Variants in TMC2 observed in about 807,000 individuals in gnomAD.
The protein encoded by TMC2 is transmembrane channel like 2.
Under a neutral mutation model 105.9 loss-of-function variants are expected in TMC2, and 102 were observed. That is an observed-to-expected ratio of 0.96 (90% CI 0.82 to 1.14). The LOEUF (loss-of-function observed/expected upper bound fraction) is 1.14, where lower values mean the gene tolerates loss of function less well. Among genes scored for constraint, TMC2 ranks in the 50% most tolerant of loss-of-function variants. The probability of loss-of-function intolerance (pLI) is 0.00; values close to 1 mark genes in which losing one functional copy is unlikely to be tolerated. For missense variants in TMC2, 1,093 were observed against 1,134.3 expected, an observed-to-expected ratio of 0.96 and a Z score of 0.52; for synonymous variants, 402 against 422.8, an observed-to-expected ratio of 0.95 and a Z score of 0.60.
At chr20:2,621,577 G>A (rs2086525552) in intron 16 of TMC2, among the ~76,000 whole-genome samples, 1 of 151,670 alleles carries the variant, frequency 6.6e-6, no homozygotes, top group South Asian at 2.1e-4. Flanking sequence ...GCTGAGGCAG[G>A]AGAATCACTT....
In TMC2 at chr20:2,635,997, T is replaced by A. The variant is rs1029466434; in HGVS notation, c.2378T>A (p.Ile793Asn). The change falls in exon 18 of 20, where the codon ATC becomes AAC. Residue 793 changes from isoleucine to asparagine, a missense_variant. Ile to Asn is a moderately radical substitution (Grantham distance 149). Transcript: ENST00000358864. ...SRANAQLRKK[I>N]QVLREVEKSH... ...GCTAATGCCCAGCTGAGGAAGAAAATCCAAGTGGTGAGTCTGTTGGGAGTT... is the reference window on the plus strand; with the variant it reads ...GCTAATGCCCAGCTGAGGAAGAAAAACCAAGTGGTGAGTCTGTTGGGAGTT... The A allele has an allele frequency of 6.2e-7, 1 of 1,613,734 alleles. No homozygotes were observed. Among genetic ancestry groups the A allele is most frequent in the Non-Finnish European group, 8.5e-7 (1 of 1,179,782 alleles).
intron 17 of TMC2, among the ~76,000 whole-genome samples, chr20:2,625,980 G>A (rs1476001284): frequency 6.6e-6 from 1 of 152,018 alleles, no homozygotes; most frequent in East Asian, 1.9e-4. Context: ...TATTTTTGTT[G>A]TCATTTGTTT....
chr20:2,615,634 C>T (rs2086475134), intron 14 of TMC2, among the ~76,000 whole-genome samples: 1 of 152,200 alleles, frequency 6.6e-6, no homozygotes, highest in South Asian at 2.1e-4. Context: ...CCGTGAACTG[C>T]TCTCAGACTG....
chr20:2,621,293 T>C (rs1484094380), intron 16 of TMC2, among the ~76,000 whole-genome samples: 29 of 125,084 alleles, frequency 2.3e-4, no homozygotes, highest in Middle Eastern at 5.7e-3. Context: ...ACCCGGGAGG[T>C]GGAGGTTGCA....
chr20:2,603,013 T>C (rs2086363039), intron 11 of TMC2, among the ~76,000 whole-genome samples: 1 of 152,178 alleles, frequency 6.6e-6, no homozygotes, highest in South Asian at 2.1e-4. Context: ...GAATAGTGCT[T>C]GTGTATTGAG....
intron 14 of TMC2, chr20:2,613,996 T>TA (rs1413890032): frequency 6.6e-6 from 1 of 152,654 alleles, no homozygotes; most frequent in Non-Finnish European, 1.5e-5. Context: ...TTGACCTATG[T>TA]ATCCCTCATC....
intron 17 of TMC2, among the ~76,000 whole-genome samples, chr20:2,628,067 C>T (rs2086576610): frequency 6.6e-6 from 1 of 151,646 alleles, no homozygotes; most frequent in African/African-American, 2.4e-5. Context: ...ACTTGAGAGA[C>T]TGAGGTAGGA....
rs988447401 is a variant in TMC2, at chr20:2,594,927, G to T, written c.1036G>T (p.Val346Phe). 6 of 1,614,116 alleles carry T rather than the reference G, an allele frequency of 3.7e-6. No homozygotes were observed. The African/African-American group carries it at 4.0e-5, about 11-fold the overall frequency. ...GCCTATGGCTTACTTTATGGTGGGG[G>T]TCAGCGTGTTCGGCTACAGCCTGAT... Reference protein sequence around the residue: ...RLPMAYFMVGVSVFGYSLIIV... With the variant: ...RLPMAYFMVGFSVFGYSLIIV... The change falls in exon 9 of 20, where the codon GTC becomes TTC. Residue 346 changes from valine (V) to phenylalanine (F), a missense_variant. Physicochemically the swap from Val to Phe is conservative, Grantham distance 50. Transcript: ENST00000358864.
intron 2 of TMC2, among the ~76,000 whole-genome samples, chr20:2,538,121 C>T (rs1291735017): frequency 1.3e-5 from 2 of 152,024 alleles, no homozygotes; most frequent in African/African-American, 4.8e-5. Flanking sequence ...CAGTAGGGAG[C>T]TGGCCCCAGG....
intron 7 of TMC2, among the ~76,000 whole-genome samples, chr20:2,591,824 A>C (rs1219610750): frequency 6.6e-6 from 1 of 152,180 alleles, no homozygotes; most frequent in Non-Finnish European, 1.5e-5. Context: ...AGTGTGTGTT[A>C]CTCTTAAAAT....
At chr20:2,537,107 G>C (rs6132756) in intron 1 of TMC2, among the ~76,000 whole-genome samples, 162 bp from the exon 2 acceptor site, 60,198 of 151,968 alleles carry the variant, frequency 0.4, 12,165 homozygotes, top group Admixed American at 0.45. Flanking sequence ...AGACAAATGT[G>C]ACAGGCAGGG....
At chr20:2,630,372 G>A (rs1246627127) in intron 17 of TMC2, among the ~76,000 whole-genome samples, 1 of 152,182 alleles carries the variant, frequency 6.6e-6, no homozygotes, top group Non-Finnish European at 1.5e-5. Flanking sequence ...TTAAGGCTGT[G>A]TTGTTAGGTG....
At chr20:2,578,740 G>A (rs1207204634) in intron 5 of TMC2, among the ~76,000 whole-genome samples, 5 of 151,582 alleles carry the variant, frequency 3.3e-5, no homozygotes, top group Admixed American at 6.5e-5. Flanking sequence ...TCTGCCAGAC[G>A]TGGGTCTGAG....
At position 2,598,607 on chromosome 20, in the gene TMC2, T is replaced by C. The variant is rs573543007; in HGVS notation, c.1224+1309T>C. ...TTTTTTTGTATTTTTAGTAGAGACA[T>C]GGTTTCACCAGGCCAGTCTCAAACT... is the stretch of plus-strand genomic sequence containing the variant. On this transcript the variant is annotated intron_variant, in intron 10 of 19. Transcript: ENST00000358864. 5.3e-5 allele frequency among the ~76,000 whole-genome samples: 8 copies of C among 151,948 alleles called. 1 individual carries two copies. Among genetic ancestry groups the C allele is most frequent in the African/African-American group, 1.9e-4 (8 of 41,446 alleles).
At chr20:2,559,881 C>T (rs1223328140) in intron 3 of TMC2, among the ~76,000 whole-genome samples, 1 of 152,084 alleles carries the variant, frequency 6.6e-6, no homozygotes, top group Non-Finnish European at 1.5e-5. Context: ...TTAGAGGGAG[C>T]CTGTACCATC....
At chr20:2,536,838 G>A (rs1350212375) in intron 1 of TMC2, among the ~76,000 whole-genome samples, 183 bp downstream of exon 1, 1 of 152,238 alleles carries the variant, frequency 6.6e-6, no homozygotes, top group African/African-American at 2.4e-5. Context: ...TCACGCATGA[G>A]ATGGGGGTAG....
At chr20:2,577,614 A>C (rs2086156254) in intron 5 of TMC2, among the ~76,000 whole-genome samples, 1 of 150,844 alleles carries the variant, frequency 6.6e-6, no homozygotes, top group South Asian at 2.1e-4. Context: ...TGATTCCTTC[A>C]CAAAATTTTT....
intron 4 of TMC2, among the ~76,000 whole-genome samples, chr20:2,562,444 G>T (rs1168720862): frequency 6.6e-6 from 1 of 152,200 alleles, no homozygotes; most frequent in South Asian, 2.1e-4. Context: ...TGATTTGCAC[G>T]GTGAGTGGGA....
intron 2 of TMC2, among the ~76,000 whole-genome samples, chr20:2,545,566 T>C (rs2085917132): frequency 6.6e-6 from 1 of 152,162 alleles, no homozygotes; most frequent in Admixed American, 6.6e-5. Flanking sequence ...TATGGGATTG[T>C]CAAATAATGC....
Sources: gnomAD v4.1 joint callset for allele counts (sites outside exome capture counted in the v4.1 genomes callset) on GRCh38, gnomAD v4.1.1 for gene constraint, MANE v1.5 for transcripts, NCBI Gene and HGNC (gene_info 2026-07-23, HGNC 2026-07-21) for gene names.